USH2A: variants seen among roughly 807,000 people sequenced by gnomAD.
USH2A encodes Usher syndrome 2A (autosomal recessive, mild).
In USH2A, 443 loss-of-function variants were observed where a neutral mutation model predicts 538.9. The observed-to-expected ratio is 0.82, with a 90% confidence interval of 0.76 to 0.89. The LOEUF is 0.89. Among genes scored for constraint, USH2A ranks in the 40% least tolerant of loss-of-function variants. The pLI is 0.00. For missense variants in USH2A, 6,633 were observed against 6,324.8 expected, an observed-to-expected ratio of 1.05 and a Z score of -1.65; for synonymous variants, 2,413 against 2,273.5, an observed-to-expected ratio of 1.06 and a Z score of -1.75.
chr1:216,228,061 G>T (rs961892923), intron 14 of USH2A, among the ~76,000 whole-genome samples: 7 of 152,162 alleles, frequency 4.6e-5, no homozygotes, highest in Non-Finnish European at 8.8e-5. Context: ...ATTAAGGAGG[G>T]ATAATGGGAT....
chr1:215,633,858 G>A (rs1454578583), intron 70 of USH2A, among the ~76,000 whole-genome samples: 1 of 152,072 alleles, frequency 6.6e-6, no homozygotes, highest in Non-Finnish European at 1.5e-5. Context: ...ACCAAGTGAT[G>A]GGGCCCTCTC....
At chr1:216,349,749 A>G (rs558906559) in intron 4 of USH2A, among the ~76,000 whole-genome samples, 188 of 152,234 alleles carry the variant, frequency 1.2e-3, no homozygotes, top group Non-Finnish European at 1.9e-3. Flanking sequence ...TCAAGAAAAA[A>G]CCATAAAAAT....
chr1:215,680,299 A>G lies in USH2A; in HGVS notation c.12144T>C (p.His4048=), dbSNP rs375019482. The G allele has an allele frequency of 4.3e-6, 7 of 1,613,980 alleles. No homozygotes were observed. The highest frequency in any genetic ancestry group is 1.7e-5 in the Admixed American group (1 of 59,988). ...TCCAAGGGCTTAAAATTTCTCCTGC[A>G]TGGTTTGCAGCCACAACACCAATGC... ...TYRIGVVAAN[H]AGEILSPWTL... Residue 4048 remains histidine, a synonymous_variant, in exon 62 of 72, where the codon CAT becomes CAC. Coordinates refer to ENST00000307340, the MANE Select transcript of USH2A (RefSeq NM_206933.4).
At chr1:215,806,666 CTGTACCAGTCCT>C in intron 49 of USH2A, among the ~76,000 whole-genome samples, 1 of 151,524 alleles carries the variant, frequency 6.6e-6, no homozygotes. Flanking sequence ...CCATTATCCC[CTGTACCAGTCCT>C]TGTAGTTCAC....
chr1:215,654,598 T>C (rs1459195581), intron 64 of USH2A, among the ~76,000 whole-genome samples: 1 of 152,210 alleles, frequency 6.6e-6, no homozygotes, highest in African/African-American at 2.4e-5. Flanking sequence ...CTTGTTGATT[T>C]ATTTCTCTAA....
chr1:215,954,415 G>C (rs1667009419), intron 37 of USH2A, among the ~76,000 whole-genome samples: 1 of 151,892 alleles, frequency 6.6e-6, no homozygotes, highest in Admixed American at 6.6e-5. Context: ...TACTTTGTAG[G>C]GACATAGATG....
intron 54 of USH2A, among the ~76,000 whole-genome samples, 197 bp from the exon 55 acceptor site, chr1:215,780,238 T>A (rs954295870): frequency 6.6e-6 from 1 of 152,164 alleles, no homozygotes; most frequent in African/African-American, 2.4e-5. Context: ...TTGAATATAT[T>A]ACATAAGTCT....
chr1:216,323,489 A>G lies in USH2A; in HGVS notation c.1535T>C (p.Ile512Thr). 6.2e-7 allele frequency: 1 copy of G among 1,613,384 alleles called. No individual in the cohort carries two copies. The highest frequency in any genetic ancestry group is 8.5e-7 in the Non-Finnish European group (1 of 1,179,652). Residue 512 changes from isoleucine (I) to threonine (T), a missense_variant, in exon 8 of 72, where the codon ATC (isoleucine) becomes ACC (threonine). Physicochemically the swap from Ile to Thr is moderately conservative, Grantham distance 89. Coordinates refer to ENST00000307340, the MANE Select transcript of USH2A (RefSeq NM_206933.4). ...LRHRYYAVDE[I>T]TISGRCQCHG... The stretch of plus-strand genomic sequence containing the variant: ...ATAATAATACCTCCCACTAATGGTG[A>G]TTTCGTCCACTGCATAATATCTGTG...
intron 44 of USH2A, among the ~76,000 whole-genome samples, chr1:215,850,590 A>G (rs747995729): frequency 6.6e-6 from 1 of 152,162 alleles, no homozygotes; most frequent in South Asian, 2.1e-4. Context: ...CAACATAATA[A>G]TAGCAGGGGA....
chr1:216,390,508 T>C (rs538777353), intron 3 of USH2A, among the ~76,000 whole-genome samples: 56 of 152,222 alleles, frequency 3.7e-4, no homozygotes, highest in Admixed American at 9.2e-4. Context: ...TGGCCGTGAC[T>C]TTTTAAATTT....
At chr1:215,667,961 C>T (rs561966895) in intron 64 of USH2A, among the ~76,000 whole-genome samples, 1 of 152,210 alleles carries the variant, frequency 6.6e-6, no homozygotes, top group Non-Finnish European at 1.5e-5. Flanking sequence ...CTGATACTTG[C>T]AAGGCACACC....
chr1:215,912,879 C>T (rs533947977), intron 38 of USH2A, among the ~76,000 whole-genome samples: 1 of 152,134 alleles, frequency 6.6e-6, no homozygotes, highest in South Asian at 2.1e-4. Context: ...ATGTAGCTCT[C>T]ACCTTTTGAA....
chr1:216,279,184 A>G (rs2036725555), intron 11 of USH2A, among the ~76,000 whole-genome samples: 1 of 152,044 alleles, frequency 6.6e-6, no homozygotes, highest in South Asian at 2.1e-4. Context: ...TTTTTATATA[A>G]TTACAACTAT....
intron 4 of USH2A, among the ~76,000 whole-genome samples, chr1:216,348,450 T>C (rs1255296455): frequency 6.6e-6 from 1 of 152,074 alleles, no homozygotes; most frequent in Non-Finnish European, 1.5e-5. Flanking sequence ...GGCCCGAAGA[T>C]ATCTTAGGAC....
intron 3 of USH2A, among the ~76,000 whole-genome samples, chr1:216,397,481 A>G (rs913839014): frequency 6.6e-6 from 1 of 152,176 alleles, no homozygotes; most frequent in Non-Finnish European, 1.5e-5. Flanking sequence ...CCTACCCTCA[A>G]TGTAGGTGGG....
chr1:216,054,116 C>G (rs2030890849), intron 30 of USH2A, among the ~76,000 whole-genome samples: 1 of 152,186 alleles, frequency 6.6e-6, no homozygotes, highest in Non-Finnish European at 1.5e-5. Context: ...ATCCCAGCAG[C>G]TATTAGTATG....
At chr1:215,965,949 A>ACACACG (rs1667333268) in intron 36 of USH2A, among the ~76,000 whole-genome samples, 1 of 151,586 alleles carries the variant, frequency 6.6e-6, no homozygotes, top group Non-Finnish European at 1.5e-5. Flanking sequence ...ACACACACAC[A>ACACACG]CACACACACA....
chr1:215,745,505 T>G (rs1660446536), intron 58 of USH2A, among the ~76,000 whole-genome samples: 1 of 152,174 alleles, frequency 6.6e-6, no homozygotes, highest in African/African-American at 2.4e-5. Flanking sequence ...CCGTATAAAT[T>G]AGGACTTTGT....
chr1:215,772,756 C>T (rs115988537), intron 55 of USH2A, among the ~76,000 whole-genome samples: 1 of 152,304 alleles, frequency 6.6e-6, no homozygotes, highest in African/African-American at 2.4e-5. Context: ...TCAAAACATT[C>T]AGCCAATTAT....
Sources: gnomAD v4.1 joint callset for allele counts (sites outside exome capture counted in the v4.1 genomes callset) on GRCh38, gnomAD v4.1.1 for gene constraint, MANE v1.5 for transcripts, NCBI Gene and HGNC (gene_info 2026-07-23, HGNC 2026-07-21) for gene names.